The following DIAPH2 variants were observed in gnomAD, a reference collection of about 807,000 sequenced individuals.
The protein encoded by DIAPH2 is diaphanous related formin 2, also known as protein diaphanous homolog 2.
DIAPH2 carries 35 observed loss-of-function variants against 92.7 expected under a neutral mutation model. That is an observed-to-expected ratio of 0.38 (90% CI 0.29 to 0.50). The LOEUF (loss-of-function observed/expected upper bound fraction) is 0.50, where lower values mean the gene tolerates loss of function less well. DIAPH2 is among the 20% of genes least tolerant of loss of function. DIAPH2 has a pLI of 0.94. For missense variants in DIAPH2, 701 were observed against 819.5 expected, an observed-to-expected ratio of 0.86 and a Z score of 1.77; for synonymous variants, 301 against 280.4, an observed-to-expected ratio of 1.07 and a Z score of -0.73.
chrX:97,210,009 T>G (rs2067827651), intron 22 of DIAPH2, among the ~76,000 whole-genome samples: 1 of 111,508 alleles, frequency 9.0e-6, no homozygotes, highest in East Asian at 2.8e-4. Flanking sequence ...AGTCATTGTC[T>G]CTGTTAAGGG....
chrX:96,760,230 G>C (rs1028524458), intron 4 of DIAPH2, among the ~76,000 whole-genome samples: 2 of 111,624 alleles, frequency 1.8e-5, no homozygotes, highest in African/African-American at 3.2e-5. Context: ...ACGTTAATTA[G>C]TACTATGTTT....
Position 96,965,179 on chromosome X carries a change from G to T in DIAPH2, c.2022G>T (p.Leu674Phe). The change falls in exon 17 of 27, where the codon TTG (leucine) becomes TTT (phenylalanine). Residue 674 changes from leucine (L) to phenylalanine (F), a missense_variant. By Grantham distance (22) the Leu-to-Phe change is conservative. This residue lies in a region of DIAPH2 where 536 missense variants were observed against 599.3 expected (regional missense o/e 0.89). Coordinates refer to ENST00000324765, the MANE Select transcript of DIAPH2 (RefSeq NM_006729.5). ...AGAATCCAGATCTCTTTGCCAAATTGGCATTGAATTTTGCTACTCAGATAA... is the reference window on the plus strand; with the variant it reads ...AGAATCCAGATCTCTTTGCCAAATTTGCATTGAATTTTGCTACTCAGATAA... ...KFENPDLFAK[L>F]ALNFATQIKV... is the part of the protein sequence containing the mutation. The T allele has an allele frequency of 8.4e-7, 1 of 1,191,789 alleles. No homozygotes were observed. Among genetic ancestry groups the T allele is most frequent in the Non-Finnish European group, 1.1e-6 (1 of 885,167 alleles).
chrX:97,348,164 C>A lies in DIAPH2; in HGVS notation c.2893C>A (p.His965Asn). The change falls in exon 24 of 27, where the codon CAC becomes AAC. Residue 965 changes from histidine to asparagine, a missense_variant. Coordinates refer to ENST00000324765, the MANE Select transcript of DIAPH2 (RefSeq NM_006729.5). ...ACAGTATGAAAAACTCTCCACCATGCACAACAACATGATGAAGCTCTATGA... is the reference window on the plus strand; with the variant it reads ...ACAGTATGAAAAACTCTCCACCATGAACAACAACATGATGAAGCTCTATGA... ...REQYEKLSTM[H>N]NNMMKLYENL... 1 of 1,210,626 alleles carries A rather than the reference C, an allele frequency of 8.3e-7. No individual in the cohort carries two copies.
intron 25 of DIAPH2, among the ~76,000 whole-genome samples, chrX:97,386,406 A>G (rs1009280363): frequency 3.6e-5 from 4 of 112,118 alleles, no homozygotes; most frequent in African/African-American, 1.3e-4. Context: ...ATGGTGGCTC[A>G]CGCCTGTAAT....
At chrX:96,980,998 C>CAAAAAAAA (rs1204120424) in intron 17 of DIAPH2, among the ~76,000 whole-genome samples, 7 of 45,510 alleles carry the variant, frequency 1.5e-4, no homozygotes, top group African/African-American at 6.5e-4. Context: ...CCATCTCTAC[C>CAAAAAAAA]AAAAAAAAAA....
At chrX:96,957,123 C>T (rs961857340) in intron 15 of DIAPH2, among the ~76,000 whole-genome samples, 4 of 112,348 alleles carry the variant, frequency 3.6e-5, no homozygotes, top group Admixed American at 2.8e-4. Flanking sequence ...TGGGTTAAAA[C>T]GATTCTCCTG....
intron 11 of DIAPH2, among the ~76,000 whole-genome samples, chrX:96,938,649 G>A (rs1176440960): frequency 9.0e-6 from 1 of 111,570 alleles, no homozygotes; most frequent in African/African-American, 3.3e-5. Flanking sequence ...TTACAAAAAT[G>A]GATCCATTTG....
chrX:97,313,807 T>G (rs1007989388), intron 23 of DIAPH2, among the ~76,000 whole-genome samples: 1 of 109,992 alleles, frequency 9.1e-6, no homozygotes, highest in Non-Finnish European at 1.9e-5. Context: ...CCCGGCTAAT[T>G]TTTTGTATTT....
At chrX:97,588,996 A>AATATATATATATAT (rs199558439) in intron 26 of DIAPH2, among the ~76,000 whole-genome samples, 2,656 of 31,537 alleles carry the variant, frequency 0.084, 338 homozygotes, top group East Asian at 0.12. Context: ...ATATTATAGA[A>AATATATATATATAT]ATATATATAT....
Position 96,948,920 on chromosome X carries a change from T to C in DIAPH2, c.1510-15T>C. 1 of 1,097,973 alleles carries C rather than the reference T, an allele frequency of 9.1e-7. No homozygotes were observed. Among genetic ancestry groups the C allele is most frequent in the Non-Finnish European group, 1.2e-6 (1 of 803,741 alleles). The allele number at this position is 1,097,973 out of a possible 1,213,427, so 90.5% of individuals were successfully genotyped here. ...AACTATATTATTAACTGTACATTGA[T>C]GGTGATCATTGCAGTTCGATGAAGA... On this transcript the variant is annotated splice_polypyrimidine_tract_variant and intron_variant, in intron 14 of 26. Transcript: ENST00000324765.
intron 22 of DIAPH2, among the ~76,000 whole-genome samples, chrX:97,191,654 C>G (rs1250739543): frequency 1.8e-5 from 2 of 112,129 alleles, no homozygotes; most frequent in Non-Finnish European, 3.8e-5. Context: ...CCTTAAAAAC[C>G]TACAATGCAT....
intron 22 of DIAPH2, among the ~76,000 whole-genome samples, chrX:97,192,582 C>T (rs1193570742): frequency 9.0e-6 from 1 of 111,648 alleles, no homozygotes; most frequent in Non-Finnish European, 1.9e-5. Flanking sequence ...TTAAAACACA[C>T]AGAAATTTAA....
chrX:97,334,837 C>T lies in DIAPH2; in HGVS notation c.2845-13279C>T, dbSNP rs192136604. ...CTCTATTAAAAATACAAAAAATAGT[C>T]GGGTGTGGTGGCAGGCGCCTGTAAT... On this transcript the variant is annotated intron_variant, in intron 23 of 26. Transcript: ENST00000324765. Among the ~76,000 whole-genome samples, 10 of 106,765 alleles carry T rather than the reference C, an allele frequency of 9.4e-5. No homozygotes were observed. In the East Asian group the frequency reaches 2.4e-3, roughly 25 times the overall value. 92.7% of individuals were successfully genotyped at this position (106,765 alleles called of 115,157 possible). A position where few individuals can be genotyped will look rare whatever the true frequency, so the allele number is the denominator to read the frequency against.
rs188545424 is a variant in DIAPH2 at position 97,241,837 on chromosome X, G to A, written c.2720-5878G>A. 3.5e-3 allele frequency among the ~76,000 whole-genome samples: 335 copies of A among 95,809 alleles called. 1 individual carries two copies. The highest frequency in any genetic ancestry group is 0.013 in the African/African-American group (325 of 25,221). 83.2% of individuals were successfully genotyped at this position (95,809 alleles called of 115,157 possible). A position where few individuals can be genotyped will look rare whatever the true frequency, so the allele number is the denominator to read the frequency against. On this transcript the variant is annotated intron_variant, in intron 22 of 26. Transcript: ENST00000324765. The stretch of plus-strand genomic sequence containing the variant: ...TTTTGCCAGGCTAGAGTGCAGTGGC[G>A]CGATCTAGGCTCACTGCAACCTTTG...
chrX:96,948,585 G>A (rs775523238), intron 14 of DIAPH2, among the ~76,000 whole-genome samples: 46 of 111,600 alleles, frequency 4.1e-4, no homozygotes, highest in Admixed American at 1.5e-3. Flanking sequence ...AACGGTATGG[G>A]ATGAAATATT....
intron 25 of DIAPH2, among the ~76,000 whole-genome samples, chrX:97,401,965 A>G (rs894917510): frequency 4.4e-5 from 5 of 112,510 alleles, no homozygotes; most frequent in African/African-American, 1.6e-4. Flanking sequence ...TACATTTGCA[A>G]ATGAGAGGCT....
chrX:96,888,489 A>T (rs916745650), intron 5 of DIAPH2, among the ~76,000 whole-genome samples: 2 of 104,931 alleles, frequency 1.9e-5, no homozygotes, highest in Admixed American at 2.2e-4. Context: ...TATAACACAG[A>T]TATATATCTC....
At chrX:97,015,775 G>A (rs759153129) in intron 17 of DIAPH2, among the ~76,000 whole-genome samples, 9 of 92,220 alleles carry the variant, frequency 9.8e-5, no homozygotes, top group South Asian at 5.9e-4. Context: ...GCGACAGAGC[G>A]AGACGCCATC....
chrX:96,955,878 C>T (rs890349883), intron 15 of DIAPH2, among the ~76,000 whole-genome samples: 32 of 112,412 alleles, frequency 2.8e-4, no homozygotes, highest in Admixed American at 1.8e-3. Context: ...GTTGGTGTTG[C>T]GTGTTTGTGG....
Sources: gnomAD v4.1 joint callset for allele counts (sites outside exome capture counted in the v4.1 genomes callset) on GRCh38, gnomAD v4.1.1 for gene constraint, gnomAD v4.1.1 regional missense constraint, MANE v1.5 for transcripts, NCBI Gene and HGNC (gene_info 2026-07-23, HGNC 2026-07-21) for gene names.